Variants in SC5D observed in about 807,000 individuals in gnomAD.
The protein encoded by SC5D is sterol-C5-desaturase, also known as lathosterol oxidase.
In SC5D, 21 loss-of-function variants were observed where a neutral mutation model predicts 23.9. The ratio of observed to expected loss-of-function variants is 0.88; its 90% CI spans 0.62 to 1.26. The LOEUF (loss-of-function observed/expected upper bound fraction) is 1.26. Ranked by LOEUF, SC5D falls within the 50% of genes most tolerant of loss-of-function variation. The probability of loss-of-function intolerance (pLI) is 0.00; values close to 1 mark genes in which losing one functional copy is unlikely to be tolerated. For synonymous variants in SC5D, 113 were observed against 125.9 expected (o/e 0.90, Z 0.68); for missense variants, 309 against 364.8 (o/e 0.85, Z 1.25).
chr11:121,307,202 T>A lies in SC5D; in HGVS notation c.590T>A (p.Leu197Gln). ...FPLHKVVYLS[L>Q]YILVNIWTIS... ...TTACACAAGGTGGTTTATTTAAGTC[T>A]GTACATCTTGGTTAATATCTGGACA... is the stretch of plus-strand genomic sequence containing the variant. The change falls in exon 5 of 5, where the codon CTG becomes CAG. Residue 197 changes from leucine to glutamine, a missense_variant. Physicochemically the swap from Leu to Gln is moderately radical, Grantham distance 113. Transcript: ENST00000264027. 6.2e-7 allele frequency: 1 copy of A among 1,614,200 alleles called. No individual in the cohort carries two copies.
intron 3 of SC5D, 55 bp from the exon 4 acceptor site, chr11:121,306,331 A>ACT: frequency 1.2e-6 from 1 of 864,956 alleles, no homozygotes; most frequent in Admixed American, 1.8e-5. Flanking sequence ...TGAAAAGTGA[A>ACT]CTCTAATCCC....
rs755205266 is a variant in SC5D, at chr11:121,307,050, C to T, written c.445-7C>T. The T allele has an allele frequency of 4.6e-5, 74 of 1,612,842 alleles. No homozygotes were observed. The highest frequency in any genetic ancestry group is 6.1e-5 in the Non-Finnish European group (72 of 1,178,850). The stretch of plus-strand genomic sequence containing the variant: ...TGCAGTGCTAATTGTGTCCTTTTCT[C>T]CTGCAGCGCCTACATAAACCTCACC... On this transcript the variant is annotated splice_region_variant and splice_polypyrimidine_tract_variant and intron_variant, in intron 4 of 4. Transcript: ENST00000264027.
chr11:121,306,137 A>G (rs1440584720), intron 3 of SC5D: 1 of 461,446 alleles, frequency 2.2e-6, no homozygotes, highest in East Asian at 4.3e-5. Context: ...TCTCACAAAT[A>G]TCTTTATAGT....
At chr11:121,307,019 A>G in intron 4 of SC5D, 38 bp from the exon 5 acceptor site, 4 of 1,554,112 alleles carry the variant, frequency 2.6e-6, no homozygotes, top group Non-Finnish European at 3.6e-6. Context: ...TGCACGGGGT[A>G]AAGTTTGCAG....
chr11:121,295,068 A>T (rs1035351675), intron 1 of SC5D, among the ~76,000 whole-genome samples: 2 of 152,202 alleles, frequency 1.3e-5, no homozygotes, highest in Non-Finnish European at 2.9e-5. Context: ...TATATCTAAG[A>T]TAGAAGATGA....
intron 1 of SC5D, 32 bp from the exon 2 acceptor site, chr11:121,303,334 G>GT (rs1947938525): frequency 6.3e-7 from 1 of 1,581,612 alleles, no homozygotes; most frequent in Non-Finnish European, 8.7e-7. Flanking sequence ...TAGAGACATG[G>GT]TAACTAATTG....
In SC5D at chr11:121,310,616, A is replaced by G. The variant is rs1021057498; in HGVS notation, c.*3104A>G. Reference sequence around the variant, plus strand: ...GGGACTACAGGTGCCCGCCACCACCACGCCCGGCTAATTTTTTATATTTTT... The same window carrying G: ...GGGACTACAGGTGCCCGCCACCACCGCGCCCGGCTAATTTTTTATATTTTT... On this transcript the variant is annotated 3_prime_UTR_variant, in exon 5 of 5. Coordinates refer to ENST00000264027, the MANE Select transcript of SC5D (RefSeq NM_006918.5). Among the ~76,000 whole-genome samples the G allele has an allele frequency of 6.6e-6, 1 of 151,826 alleles. No individual in the cohort carries two copies. Among genetic ancestry groups the G allele is most frequent in the African/African-American group, 2.4e-5 (1 of 41,322 alleles).
chr11:121,307,115 T>G lies in SC5D; in HGVS notation c.503T>G (p.Phe168Cys). Residue 168 changes from phenylalanine to cysteine, a missense_variant, in exon 5 of 5, where the codon TTT becomes TGT. Coordinates refer to ENST00000264027, the MANE Select transcript of SC5D (RefSeq NM_006918.5). ...CCTACTCCATTTGCAAGTCATGCTT[T>G]TCACCCTATTGATGGCTTTCTTCAG... ...KIPTPFASHAFHPIDGFLQSL... is the reference protein window; with the variant it reads ...KIPTPFASHACHPIDGFLQSL... 1 of 1,614,176 alleles carries G rather than the reference T, an allele frequency of 6.2e-7. No individual in the cohort carries two copies. Among genetic ancestry groups the G allele is most frequent in the Non-Finnish European group, 8.5e-7 (1 of 1,180,034 alleles).
rs1168315807 is a variant in SC5D at position 121,309,668 on chromosome 11, AG to A, written c.*2157del. On this transcript the variant is annotated 3_prime_UTR_variant, in exon 5 of 5. Coordinates refer to ENST00000264027, the MANE Select transcript of SC5D (RefSeq NM_006918.5). ...ATGGGGAAGACAGAGGCTTCCTCAT[AG>A]ATGTTAGGAATAATCAAACTTGCCC... is the stretch of plus-strand genomic sequence containing the variant. Among the ~76,000 whole-genome samples, 2 of 152,232 alleles carry A rather than the reference AG, an allele frequency of 1.3e-5. No homozygotes were observed. The highest frequency in any genetic ancestry group is 2.9e-5 in the Non-Finnish European group (2 of 68,038).
intron 1 of SC5D, among the ~76,000 whole-genome samples, chr11:121,297,736 G>A (rs764350608): frequency 3.3e-5 from 5 of 152,116 alleles, no homozygotes; most frequent in Admixed American, 6.5e-5. Context: ...ACCATGTTTC[G>A]GTTAAGTGGA....
At chr11:121,298,484 T>G (rs10892720) in intron 1 of SC5D, among the ~76,000 whole-genome samples, 74,620 of 152,116 alleles carry the variant, frequency 0.49, 19,143 homozygotes, top group Non-Finnish European at 0.56. Flanking sequence ...ACATTTTAGC[T>G]GACAATGAGG....
Position 121,312,082 on chromosome 11 carries a change from A to T in SC5D, c.*4570A>T, listed in dbSNP as rs977748221. 6.6e-6 allele frequency among the ~76,000 whole-genome samples: 1 copy of T among 152,230 alleles called. No homozygotes were observed. The highest frequency in any genetic ancestry group is 2.4e-5 in the African/African-American group (1 of 41,470). ...TTAAATAATTTCATTTAAAAAATGC[A>T]TCACTTTGTGTGTTTTTATATTGCT... On this transcript the variant is annotated 3_prime_UTR_variant, in exon 5 of 5. Coordinates refer to ENST00000264027, the MANE Select transcript of SC5D (RefSeq NM_006918.5).
chr11:121,300,221 A>G (rs1947916480), intron 1 of SC5D, among the ~76,000 whole-genome samples: 1 of 152,258 alleles, frequency 6.6e-6, no homozygotes, highest in Admixed American at 6.5e-5. Context: ...CAATAATCTT[A>G]GCAGCCTTTA....
chr11:121,307,057 C>T lies in SC5D; in HGVS notation c.445C>T (p.Arg149Cys), dbSNP rs142025005. The T allele has an allele frequency of 2.4e-5, 38 of 1,613,350 alleles. No homozygotes were observed. Among genetic ancestry groups the T allele is most frequent in the African/African-American group, 1.5e-4 (11 of 74,890 alleles). Residue 149 changes from arginine (R) to cysteine (C), a missense_variant and splice_region_variant, in exon 5 of 5, where the codon CGC becomes TGC. Arg to Cys is a radical substitution (Grantham distance 180). Coordinates refer to ENST00000264027, the MANE Select transcript of SC5D (RefSeq NM_006918.5). Reference protein sequence around the residue: ...RGLHHRLVYKRLHKPHHIWKI... With the variant: ...RGLHHRLVYKCLHKPHHIWKI... Reference sequence around the variant, plus strand: ...CTAATTGTGTCCTTTTCTCCTGCAGCGCCTACATAAACCTCACCATATTTG... The same window carrying T: ...CTAATTGTGTCCTTTTCTCCTGCAGTGCCTACATAAACCTCACCATATTTG...
rs1411536924 is a variant in SC5D at position 121,308,943 on chromosome 11, G to T, written c.*1431G>T. ...TGTACCAATTAGCATTTTGTAATAG[G>T]CAAATGTCATTTAGTGCTTTTCACC... is the stretch of plus-strand genomic sequence containing the variant. On this transcript the variant is annotated 3_prime_UTR_variant, in exon 5 of 5. Transcript: ENST00000264027. Among the ~76,000 whole-genome samples the T allele has an allele frequency of 1.3e-5, 2 of 152,166 alleles. No homozygotes were observed. Among genetic ancestry groups the T allele is most frequent in the African/African-American group, 2.4e-5 (1 of 41,438 alleles).
chr11:121,298,808 AAG>A (rs1334990522), intron 1 of SC5D, among the ~76,000 whole-genome samples: 1 of 152,232 alleles, frequency 6.6e-6, no homozygotes, highest in South Asian at 2.1e-4. Context: ...TGAGTCCGAA[AAG>A]AGAGTCAGCA....
In SC5D at chr11:121,310,210, A is replaced by G. The variant is rs1947998787; in HGVS notation, c.*2698A>G. On this transcript the variant is annotated 3_prime_UTR_variant, in exon 5 of 5. Transcript: ENST00000264027. ...ACAAAGATATTTGGGATTAACACAG[A>G]TAGAAGAAAAGTTTGAAACCATGAG... Among the ~76,000 whole-genome samples the G allele has an allele frequency of 6.6e-6, 1 of 152,056 alleles. No homozygotes were observed. Among genetic ancestry groups the G allele is most frequent in the Non-Finnish European group, 1.5e-5 (1 of 68,034 alleles).
At chr11:121,297,034 T>A (rs1399966724) in intron 1 of SC5D, among the ~76,000 whole-genome samples, 1 of 152,188 alleles carries the variant, frequency 6.6e-6, no homozygotes, top group Non-Finnish European at 1.5e-5. Context: ...TAAATGCAAA[T>A]TAAGTATACC....
chr11:121,309,282 G>A lies in SC5D; in HGVS notation c.*1770G>A, dbSNP rs1947991323. Among the ~76,000 whole-genome samples, 1 of 152,212 alleles carries A rather than the reference G, an allele frequency of 6.6e-6. No homozygotes were observed. Among genetic ancestry groups the A allele is most frequent in the Admixed American group, 6.5e-5 (1 of 15,278 alleles). ...TTGAAAGAGCACATAGGAAAAGAAG[G>A]AAAAGTCTGTGTGGAAAATGTTTCT... is the stretch of plus-strand genomic sequence containing the variant. On this transcript the variant is annotated 3_prime_UTR_variant, in exon 5 of 5. Transcript: ENST00000264027.
Sources: gnomAD v4.1 joint callset for allele counts (sites outside exome capture counted in the v4.1 genomes callset) on GRCh38, gnomAD v4.1.1 for gene constraint, MANE v1.5 for transcripts, NCBI Gene and HGNC (gene_info 2026-07-23, HGNC 2026-07-21) for gene names.